The following CRISP1 variants were observed in gnomAD, a reference collection of about 807,000 sequenced individuals.
CRISP1 encodes the protein cysteine-rich secretory protein 1.
In CRISP1, 44 loss-of-function variants were observed where a neutral mutation model predicts 33.1. That is an observed-to-expected ratio of 1.33 (90% CI 1.05 to 1.71). The LOEUF is 1.71. Ranked by LOEUF, CRISP1 falls within the 40% of genes most tolerant of loss-of-function variation. The pLI, the probability that CRISP1 is intolerant of heterozygous loss-of-function variation, is 0.00. For missense variants in CRISP1, 390 were observed against 301.2 expected (o/e 1.29, Z -2.18); for synonymous variants, 103 against 98.7 (o/e 1.04, Z -0.26).
chr6:49,875,555 A>C (rs1582292116), intron 1 of CRISP1, among the ~76,000 whole-genome samples: 1 of 152,026 alleles, frequency 6.6e-6, no homozygotes, highest in African/African-American at 2.4e-5. Flanking sequence ...TTATTTTAAA[A>C]TGTATGTAGA....
chr6:49,857,452 C>A (rs1420258117), intron 1 of CRISP1, 50 bp from the exon 2 acceptor site: 2 of 1,528,374 alleles, frequency 1.3e-6, no homozygotes, highest in African/African-American at 1.4e-5. Flanking sequence ...CATGGGATAA[C>A]ATCTGGTAAT....
intron 5 of CRISP1, 53 bp from the exon 6 acceptor site, chr6:49,841,048 T>A: frequency 1.4e-6 from 2 of 1,388,162 alleles, no homozygotes; most frequent in Non-Finnish European, 2.0e-6. Context: ...ACTAAATGAC[T>A]ATAATATCCA....
intron 6 of CRISP1, 147 bp from the exon 7 acceptor site, chr6:49,838,672 T>C: frequency 1.7e-6 from 1 of 596,656 alleles, no homozygotes; most frequent in East Asian, 3.0e-5. Context: ...GTGTGAGATT[T>C]CCAATCTTAC....
At chr6:49,845,712 A>AAT (rs386407013) in intron 5 of CRISP1, among the ~76,000 whole-genome samples, 32 of 152,028 alleles carry the variant, frequency 2.1e-4, no homozygotes, top group African/African-American at 7.5e-4. Context: ...ATAGCCAAAA[A>AAT]AAAAAATGGA....
chr6:49,845,219 C>A lies in CRISP1; in HGVS notation c.435+1301G>T, dbSNP rs12196205. Among the ~76,000 whole-genome samples the A allele has an allele frequency of 5.7e-4, 87 of 152,190 alleles. 1 individual carries two copies. The highest frequency in any genetic ancestry group is 2.0e-3 in the African/African-American group (82 of 41,556). On this transcript the variant is annotated intron_variant, in intron 5 of 7. Transcript: ENST00000335847. ...TGTTCCAGTAGGATTTGTGTCCTTA[C>A]ATGAACAGATGCTAGACAGCTTGCT...
At chr6:49,857,428 G>T in intron 1 of CRISP1, 26 bp from the exon 2 acceptor site, 1 of 1,594,634 alleles carries the variant, frequency 6.3e-7, no homozygotes, top group Non-Finnish European at 8.6e-7. Flanking sequence ...CACAATTTTA[G>T]ATTATTCTCA....
intron 2 of CRISP1, among the ~76,000 whole-genome samples, chr6:49,852,921 G>A (rs752708428): frequency 5.3e-5 from 8 of 151,426 alleles, no homozygotes; most frequent in Non-Finnish European, 1.2e-4. Flanking sequence ...TTTAAAAAAT[G>A]TGGCAGAACT....
intron 7 of CRISP1, among the ~76,000 whole-genome samples, chr6:49,836,689 T>C (rs1448490572): frequency 6.6e-6 from 1 of 152,266 alleles, no homozygotes; most frequent in East Asian, 1.9e-4. Context: ...TTTTAGTGAA[T>C]ATCCTTCTAT....
intron 5 of CRISP1, among the ~76,000 whole-genome samples, chr6:49,843,008 C>A (rs1023137909): frequency 2.0e-5 from 3 of 151,978 alleles, no homozygotes; most frequent in Non-Finnish European, 2.9e-5. Flanking sequence ...AAAGTGACAC[C>A]GATTCACTTT....
chr6:49,856,292 G>A (rs554511748), intron 2 of CRISP1, among the ~76,000 whole-genome samples: 2 of 152,132 alleles, frequency 1.3e-5, no homozygotes, highest in Non-Finnish European at 2.9e-5. Context: ...CTGACTGTTT[G>A]CCCTTTTCCC....
intron 2 of CRISP1, 68 bp downstream of exon 2, chr6:49,857,267 A>C: frequency 6.8e-7 from 1 of 1,479,086 alleles, no homozygotes; most frequent in Non-Finnish European, 9.4e-7. Flanking sequence ...AACATGGTGA[A>C]TTGTATTAAA....
At chr6:49,848,114 G>A in intron 4 of CRISP1, 95 bp downstream of exon 4, 1 of 653,950 alleles carries the variant, frequency 1.5e-6, no homozygotes, top group Non-Finnish European at 2.6e-6. Flanking sequence ...AAATCTAGAT[G>A]ACTTAATTTA....
chr6:49,859,482 GT>G (rs1251641569), intron 1 of CRISP1, among the ~76,000 whole-genome samples: 1 of 150,642 alleles, frequency 6.6e-6, no homozygotes, highest in Non-Finnish European at 1.5e-5. Context: ...TAAAAAAAAA[GT>G]TTTTTCCAGA....
Position 49,848,301 on chromosome 6 carries a change from T to C in CRISP1, c.196-2A>G. On this transcript the variant is annotated splice_acceptor_variant, in intron 3 of 7. Coordinates refer to ENST00000335847, the MANE Select transcript of CRISP1 (RefSeq NM_001131.3). LOFTEE classifies it high-confidence loss of function. ...TTGTGCAGCCTCTTCACTCCAACTC[T>C]GTAGTGGAAAGAAAAAAAAAGCACA... 1 of 1,565,130 alleles carries C rather than the reference T, an allele frequency of 6.4e-7. No individual in the cohort carries two copies. Among genetic ancestry groups the C allele is most frequent in the South Asian group, 1.2e-5 (1 of 83,996 alleles).
At position 49,852,017 on chromosome 6, in the gene CRISP1, C is replaced by T. The variant is rs1036846487; in HGVS notation, c.179G>A (p.Ser60Asn). The T allele has an allele frequency of 6.2e-7, 1 of 1,609,474 alleles. No individual in the cohort carries two copies. The highest frequency in any genetic ancestry group is 1.3e-5 in the African/African-American group (1 of 74,618). Residue 60 changes from serine (S) to asparagine (N), a missense_variant, in exon 3 of 8, where the codon AGC (serine) becomes AAC (asparagine). Coordinates refer to ENST00000335847, the MANE Select transcript of CRISP1 (RefSeq NM_001131.3). ...TGATCTTACCATCTTCAGCATGTTG[C>T]TGGCTGGTGGAACTACTCTTCTCCT... The part of the protein sequence containing the change: ...ALRRRVVPPA[S>N]NMLKMSWSEE...
At chr6:49,837,901 T>TTAA (rs573501262) in intron 7 of CRISP1, among the ~76,000 whole-genome samples, 19 of 144,184 alleles carry the variant, frequency 1.3e-4, no homozygotes, top group Non-Finnish European at 2.0e-4. Context: ...TTCAAGAAAT[T>TTAA]AAAAAAAAAA....
chr6:49,839,114 G>T (rs1371971956), intron 6 of CRISP1, among the ~76,000 whole-genome samples: 1 of 151,878 alleles, frequency 6.6e-6, no homozygotes, highest in Non-Finnish European at 1.5e-5. Context: ...TAGATGAGAA[G>T]TTCTAGTTCT....
intron 4 of CRISP1, among the ~76,000 whole-genome samples, chr6:49,847,744 T>C (rs938114533): frequency 6.6e-6 from 1 of 152,186 alleles, no homozygotes; most frequent in Non-Finnish European, 1.5e-5. Context: ...CTAATTTATA[T>C]GCTTTAAGAT....
chr6:49,839,257 G>A (rs1233259825), intron 6 of CRISP1, among the ~76,000 whole-genome samples: 7 of 17,164 alleles, frequency 4.1e-4, no homozygotes, highest in Admixed American at 7.8e-4. Context: ...CAAAAAAAAA[G>A]CATCTTCATA....
Sources: allele counts gnomAD v4.1 joint callset (sites outside exome capture counted in the v4.1 genomes callset), GRCh38; gene constraint gnomAD v4.1.1; transcripts MANE v1.5; gene names NCBI Gene and HGNC (gene_info 2026-07-23, HGNC 2026-07-21).